The following CNOT10 variants were observed in gnomAD, a reference collection of about 807,000 sequenced individuals.
CNOT10 encodes the protein CCR4-NOT transcription complex, subunit 10.
A neutral mutation model predicts 94.6 loss-of-function variants in CNOT10; 30 were observed. That is an observed-to-expected ratio of 0.32 (90% CI 0.24 to 0.43). CNOT10 has a LOEUF of 0.43. CNOT10 is among the 20% of genes least tolerant of loss of function. The probability of loss-of-function intolerance (pLI) is 1.00; values close to 1 mark genes in which losing one functional copy is unlikely to be tolerated. For missense variants in CNOT10, 759 were observed against 877.2 expected (o/e 0.87, Z 1.70); for synonymous variants, 289 against 301.6 (o/e 0.96, Z 0.43).
At chr3:32,729,417 C>T (rs891424773) in intron 10 of CNOT10, among the ~76,000 whole-genome samples, 7 of 152,126 alleles carry the variant, frequency 4.6e-5, no homozygotes, top group African/African-American at 1.7e-4. Context: ...CCATGCCCTG[C>T]CCTTGCTGTG....
At chr3:32,729,864 G>A (rs890383248) in intron 10 of CNOT10, among the ~76,000 whole-genome samples, 123 of 141,404 alleles carry the variant, frequency 8.7e-4, no homozygotes, top group African/African-American at 3.0e-3. Context: ...CGCCTCCCGG[G>A]TTCACGCCAT....
At chr3:32,764,596 C>G (rs1700587616) in intron 16 of CNOT10, 86 bp from the exon 17 acceptor site, 2 of 1,601,604 alleles carry the variant, frequency 1.2e-6, no homozygotes, top group Admixed American at 1.7e-5. Flanking sequence ...ACTGCTGTGC[C>G]AAGTGGCTCC....
chr3:32,685,920 A>G (rs1239811489), intron 1 of CNOT10, among the ~76,000 whole-genome samples: 1 of 151,934 alleles, frequency 6.6e-6, no homozygotes. Context: ...CTCCTGTGAA[A>G]TTAACTTTGT....
In CNOT10 at chr3:32,773,641, G is replaced by A. The variant is rs2125657496; in HGVS notation, c.*30G>A. 1 of 1,580,960 alleles carries A rather than the reference G, an allele frequency of 6.3e-7. No homozygotes were observed. Among genetic ancestry groups the A allele is most frequent in the Non-Finnish European group, 8.6e-7 (1 of 1,162,354 alleles). On this transcript the variant is annotated 3_prime_UTR_variant, in exon 19 of 19. Coordinates refer to ENST00000328834, the MANE Select transcript of CNOT10 (RefSeq NM_015442.3). ...TCACTTTTGGAAAACTGTTACCTGA[G>A]ACCCAGGGGAGAATTTACTGGCCAT...
chr3:32,702,334 G>A (rs1697391070), intron 1 of CNOT10, among the ~76,000 whole-genome samples: 1 of 152,082 alleles, frequency 6.6e-6, no homozygotes, highest in Non-Finnish European at 1.5e-5. Context: ...TTTGCTCTGA[G>A]TAGTTTAGGT....
chr3:32,753,056 T>TC, intron 13 of CNOT10: 1 of 505,220 alleles, frequency 2.0e-6, no homozygotes, highest in Non-Finnish European at 3.9e-6. Flanking sequence ...AATATTAGTG[T>TC]CAAAGAGCTT....
intron 8 of CNOT10, among the ~76,000 whole-genome samples, chr3:32,722,855 G>A (rs1054096498): frequency 2.0e-5 from 3 of 152,230 alleles, no homozygotes; most frequent in Admixed American, 1.3e-4. Flanking sequence ...GTGATGGCAT[G>A]CGCCTGTATT....
chr3:32,734,691 C>T, intron 11 of CNOT10, 109 bp from the exon 12 acceptor site: 1 of 918,850 alleles, frequency 1.1e-6, no homozygotes, highest in Non-Finnish European at 1.6e-6. Flanking sequence ...TTCTACCTAT[C>T]AAAAGGCATA....
At chr3:32,741,733 C>G (rs1402361423) in intron 13 of CNOT10, among the ~76,000 whole-genome samples, 1 of 149,964 alleles carries the variant, frequency 6.7e-6, no homozygotes, top group Non-Finnish European at 1.5e-5. Context: ...CGTGCCACTG[C>G]CCCCCAGCCT....
At chr3:32,767,437 T>G (rs1438457462) in intron 17 of CNOT10, among the ~76,000 whole-genome samples, 3 of 147,138 alleles carry the variant, frequency 2.0e-5, no homozygotes, top group African/African-American at 7.5e-5. Context: ...GATAATTGCT[T>G]GAACGCAGGA....
intron 4 of CNOT10, among the ~76,000 whole-genome samples, chr3:32,709,512 C>CAG (rs1412385635): frequency 2.6e-5 from 4 of 152,126 alleles, no homozygotes; most frequent in Non-Finnish European, 5.9e-5. Context: ...GTGGTTACCA[C>CAG]AGGACAAGTG....
chr3:32,688,177 T>C (rs1696709891), intron 1 of CNOT10, among the ~76,000 whole-genome samples: 1 of 152,250 alleles, frequency 6.6e-6, no homozygotes, highest in Admixed American at 6.5e-5. Flanking sequence ...ATGGCCTGTT[T>C]TGCCAGGTAC....
At chr3:32,769,572 G>T in intron 17 of CNOT10, 1 of 256,090 alleles carries the variant, frequency 3.9e-6, no homozygotes, top group South Asian at 7.6e-5. Context: ...AAAACAAATG[G>T]GCATGCAGAT....
intron 7 of CNOT10, among the ~76,000 whole-genome samples, chr3:32,717,893 T>C (rs749298259): frequency 2.0e-5 from 3 of 152,096 alleles, no homozygotes; most frequent in Admixed American, 6.6e-5. Context: ...AAAAAAAATT[T>C]ATTAAAAATC....
At position 32,685,299 on chromosome 3, in the gene CNOT10, C is replaced by T; in HGVS notation, c.-162C>T. ...AGACGACGGGAACTAGCTCTCGTCA[C>T]TTCCTCAGCCCGCCGTCTGCCCACT... On this transcript the variant is annotated 5_prime_UTR_variant, in exon 1 of 19. Coordinates refer to ENST00000328834, the MANE Select transcript of CNOT10 (RefSeq NM_015442.3). 1.4e-6 allele frequency: 1 copy of T among 699,416 alleles called. No individual in the cohort carries two copies. Among genetic ancestry groups the T allele is most frequent in the South Asian group, 1.8e-5 (1 of 55,634 alleles). The allele number at this position is 699,416 out of a possible 1,614,324, so 43.3% of individuals were successfully genotyped here. A position where few individuals can be genotyped will look rare whatever the true frequency, so the allele number is the denominator to read the frequency against.
intron 1 of CNOT10, among the ~76,000 whole-genome samples, chr3:32,689,184 C>T (rs1323664139): frequency 6.6e-6 from 1 of 152,000 alleles, no homozygotes; most frequent in East Asian, 1.9e-4. Context: ...GAAACCCTGT[C>T]TTGACTAAAA....
At chr3:32,695,681 G>T (rs922559981) in intron 1 of CNOT10, 1 of 1,535,966 alleles carries the variant, frequency 6.5e-7, no homozygotes, top group Admixed American at 2.0e-5. Flanking sequence ...AGCTCTGTAC[G>T]CATAGAAGGT....
chr3:32,728,102 T>C (rs1330749449), intron 10 of CNOT10, among the ~76,000 whole-genome samples: 1 of 151,962 alleles, frequency 6.6e-6, no homozygotes, highest in African/African-American at 2.4e-5. Flanking sequence ...GTTCAAGCGA[T>C]TCTTCTGCCT....
At position 32,712,163 on chromosome 3, in the gene CNOT10, G is replaced by GTT. The variant is rs112756771; in HGVS notation, c.431-1051_431-1050dup. ...TGCTTCTGTAATCAGGTGTTTGTTT[G>GTT]TTTTTTTTTTTTTTCCATCTCCATG... On this transcript the variant is annotated intron_variant, in intron 4 of 18. Coordinates refer to ENST00000328834, the MANE Select transcript of CNOT10 (RefSeq NM_015442.3). Among the ~76,000 whole-genome samples the GTT allele has an allele frequency of 3.0e-3, 420 of 141,030 alleles. 4 individuals are homozygous for GTT. The highest frequency in any genetic ancestry group is 0.017 in the South Asian group (76 of 4,520). 92.5% of individuals were successfully genotyped at this position (141,030 alleles called of 152,430 possible). A position where few individuals can be genotyped will look rare whatever the true frequency, so the allele number is the denominator to read the frequency against.
Sources: gnomAD v4.1 joint callset for allele counts (sites outside exome capture counted in the v4.1 genomes callset) on GRCh38, gnomAD v4.1.1 for gene constraint, MANE v1.5 for transcripts, NCBI Gene and HGNC (gene_info 2026-07-23, HGNC 2026-07-21) for gene names.